Variants in MAP2 observed in about 807,000 individuals in gnomAD.
MAP2 encodes microtubule-associated protein 2.
A neutral mutation model predicts 137.6 loss-of-function variants in MAP2; 14 were observed. The ratio of observed to expected loss-of-function variants is 0.10; its 90% CI spans 0.07 to 0.16. The LOEUF is 0.16. Among genes scored for constraint, MAP2 ranks in the 10% least tolerant of loss-of-function variants. The probability of loss-of-function intolerance (pLI) is 1.00; values close to 1 mark genes in which losing one functional copy is unlikely to be tolerated. For missense variants in MAP2, 2,088 were observed against 2,191.5 expected (o/e 0.95, Z 0.94); for synonymous variants, 786 against 782.3 (o/e 1.00, Z -0.08).
At chr2:209,500,821 G>GC (rs954481519) in intron 1 of MAP2, among the ~76,000 whole-genome samples, 1 of 152,074 alleles carries the variant, frequency 6.6e-6, no homozygotes, top group African/African-American at 2.4e-5. Context: ...GATCACTTGA[G>GC]CCCGGGAGTT....
intron 4 of MAP2, among the ~76,000 whole-genome samples, chr2:209,648,431 A>T (rs954157273): frequency 6.6e-6 from 1 of 151,992 alleles, no homozygotes; most frequent in Non-Finnish European, 1.5e-5. Flanking sequence ...TGCTTATCAC[A>T]CATAACAGTA....
At chr2:209,648,639 A>AG (rs1321737228) in intron 4 of MAP2, among the ~76,000 whole-genome samples, 1 of 150,418 alleles carries the variant, frequency 6.6e-6, no homozygotes, top group East Asian at 1.9e-4. Flanking sequence ...AAAAAAAAAA[A>AG]AAAGCCAGGC....
At chr2:209,532,745 T>C (rs2065320174) in intron 2 of MAP2, among the ~76,000 whole-genome samples, 1 of 152,242 alleles carries the variant, frequency 6.6e-6, no homozygotes, top group Admixed American at 6.5e-5. Flanking sequence ...CTCCTGTTCC[T>C]CTGCACAGAA....
At chr2:209,424,883 C>T (rs1231676744) in intron 1 of MAP2, among the ~76,000 whole-genome samples, 1 of 152,170 alleles carries the variant, frequency 6.6e-6, no homozygotes, top group Non-Finnish European at 1.5e-5. Flanking sequence ...GGTTAGGCTT[C>T]CACACAGTCG....
chr2:209,659,005 G>A (rs2042183204), intron 5 of MAP2, among the ~76,000 whole-genome samples: 1 of 152,022 alleles, frequency 6.6e-6, no homozygotes, highest in African/African-American at 2.4e-5. Context: ...TCTGTCATTA[G>A]TGTCTTCTTT....
chr2:209,686,401 TAA>T (rs2057022219), intron 7 of MAP2, among the ~76,000 whole-genome samples: 3 of 152,328 alleles, frequency 2.0e-5, no homozygotes, highest in South Asian at 4.1e-4. Flanking sequence ...TTGCCAAAAA[TAA>T]GTTACTGTCC....
Position 209,708,858 on chromosome 2 carries a change from A to T in MAP2, c.4733-1056A>T, listed in dbSNP as rs573960613. On this transcript the variant is annotated intron_variant, in intron 12 of 15. Transcript: ENST00000682079. ...GTAGCATCTGGGTGAATGAGCCTCA[A>T]TGTTCTCATTTCTTAGGAATAATAA... Among the ~76,000 whole-genome samples, 802 of 152,258 alleles carry T rather than the reference A, an allele frequency of 5.3e-3. 14 individuals are homozygous for T. Among genetic ancestry groups the T allele is most frequent in the African/African-American group, 0.018 (750 of 41,564 alleles).
chr2:209,706,326 T>C (rs2063403260), intron 12 of MAP2, among the ~76,000 whole-genome samples: 1 of 152,140 alleles, frequency 6.6e-6, no homozygotes, highest in Admixed American at 6.6e-5. Context: ...GCAAACTATC[T>C]AGTAAAGCAT....
intron 2 of MAP2, among the ~76,000 whole-genome samples, chr2:209,564,803 CT>C (rs1176906569): frequency 6.6e-5 from 10 of 152,226 alleles, no homozygotes; most frequent in African/African-American, 2.2e-4. Context: ...GTTATTTTAA[CT>C]TTTTTTCCTT....
chr2:209,456,085 A>C (rs1220110911), intron 1 of MAP2, among the ~76,000 whole-genome samples: 1 of 152,204 alleles, frequency 6.6e-6, no homozygotes, highest in Non-Finnish European at 1.5e-5. Context: ...ACTATCACTC[A>C]TACTCCCTGG....
At chr2:209,572,370 T>C (rs2074541427) in intron 2 of MAP2, among the ~76,000 whole-genome samples, 1 of 152,116 alleles carries the variant, frequency 6.6e-6, no homozygotes, top group African/African-American at 2.4e-5. Flanking sequence ...TTGTAATTTG[T>C]TTTTCATCCA....
At chr2:209,456,493 A>G (rs1465373802) in intron 1 of MAP2, among the ~76,000 whole-genome samples, 1 of 152,226 alleles carries the variant, frequency 6.6e-6, no homozygotes, top group Non-Finnish European at 1.5e-5. Flanking sequence ...ATGAGAAAGA[A>G]TGGTGGAAGC....
chr2:209,721,083 C>T (rs1441712106), intron 13 of MAP2, among the ~76,000 whole-genome samples: 1 of 151,810 alleles, frequency 6.6e-6, no homozygotes, highest in African/African-American at 2.4e-5. Context: ...TGTAATTGAC[C>T]CTAGAGATCT....
At chr2:209,537,208 A>T (rs1028117283) in intron 2 of MAP2, among the ~76,000 whole-genome samples, 4 of 152,198 alleles carry the variant, frequency 2.6e-5, no homozygotes, top group Non-Finnish European at 4.4e-5. Flanking sequence ...CGATATTTCA[A>T]ACTTTTAAAT....
intron 4 of MAP2, among the ~76,000 whole-genome samples, chr2:209,636,441 G>A (rs1290481083): frequency 1.3e-5 from 2 of 151,900 alleles, no homozygotes; most frequent in Non-Finnish European, 2.9e-5. Flanking sequence ...GTTCCTTTTT[G>A]GCATGTGTTT....
intron 1 of MAP2, among the ~76,000 whole-genome samples, chr2:209,452,515 A>G (rs1700552864): frequency 6.6e-6 from 1 of 152,210 alleles, no homozygotes; most frequent in Non-Finnish European, 1.5e-5. Context: ...GAGGCATATC[A>G]TATCCCTAGG....
At chr2:209,443,625 A>G (rs768375555) in intron 1 of MAP2, among the ~76,000 whole-genome samples, 1 of 151,618 alleles carries the variant, frequency 6.6e-6, no homozygotes, top group Non-Finnish European at 1.5e-5. Context: ...TGGATAAACT[A>G]AAGACTCAAC....
chr2:209,434,919 G>GTT (rs1695494216), intron 1 of MAP2, among the ~76,000 whole-genome samples: 1 of 133,228 alleles, frequency 7.5e-6, no homozygotes, highest in Non-Finnish European at 1.6e-5. Flanking sequence ...TTATATATAT[G>GTT]TTATATATAT....
chr2:209,457,424 T>C (rs1050677384), intron 1 of MAP2, among the ~76,000 whole-genome samples: 1 of 152,210 alleles, frequency 6.6e-6, no homozygotes, highest in Non-Finnish European at 1.5e-5. Context: ...ACGTTATTGC[T>C]CATTTTTGGA....
Sources: allele counts gnomAD v4.1 joint callset (sites outside exome capture counted in the v4.1 genomes callset), GRCh38; gene constraint gnomAD v4.1.1; transcripts MANE v1.5; gene names NCBI Gene and HGNC (gene_info 2026-07-23, HGNC 2026-07-21).